The following PDHA1 variants were observed in gnomAD, a reference collection of about 807,000 sequenced individuals.
The protein encoded by PDHA1 is pyruvate dehydrogenase E1 subunit alpha 1, also known as pyruvate dehydrogenase E1 component subunit alpha, somatic form, mitochondrial.
Under a neutral mutation model 33.0 loss-of-function variants are expected in PDHA1, and 1 was observed. The ratio of observed to expected loss-of-function variants is 0.03; its 90% CI spans 0.01 to 0.14. The LOEUF is 0.14. PDHA1 is among the 10% of genes least tolerant of loss of function. PDHA1 has a pLI of 1.00. For synonymous variants in PDHA1, 123 were observed against 119.2 expected (o/e 1.03, Z -0.21); for missense variants, 168 against 325.1 (o/e 0.52, Z 3.72).
At chrX:19,349,229 A>T in intron 1 of PDHA1, 83 bp from the exon 2 acceptor site, 1 of 658,460 alleles carries the variant, frequency 1.5e-6, no homozygotes, top group Non-Finnish European at 2.5e-6. Context: ...CCATAACTTC[A>T]TTCTGATAAC....
chrX:19,346,602 T>C, intron 1 of PDHA1: 1 of 966,806 alleles, frequency 1.0e-6, no homozygotes, highest in Non-Finnish European at 1.3e-6. Flanking sequence ...GGGATTACTC[T>C]CACTCTCTTA....
chrX:19,358,806 T>TGTATTTCACCTCATTGGGA (rs1395917794), intron 9 of PDHA1, 110 bp from the exon 10 acceptor site: 29 of 537,717 alleles, frequency 5.4e-5, no homozygotes, highest in Non-Finnish European at 9.1e-5. Flanking sequence ...AACACACTTC[T>TGTATTTCACCTCATTGGGA]GTATTTCACC....
In PDHA1 at chrX:19,361,572, C is replaced by T; in HGVS notation, c.*1919C>T. 1 of 1,208,243 alleles carries T rather than the reference C, an allele frequency of 8.3e-7. No homozygotes were observed. Among genetic ancestry groups the T allele is most frequent in the Non-Finnish European group, 1.1e-6 (1 of 892,511 alleles). On this transcript the variant is annotated 3_prime_UTR_variant, in exon 11 of 11. Coordinates refer to ENST00000422285, the MANE Select transcript of PDHA1 (RefSeq NM_000284.4). ...TTTATCTGTTCTCTGCCCGTAGGGGCCTGCTGGGTTCTCTGTAATACCTGT... is the reference window on the plus strand; with the variant it reads ...TTTATCTGTTCTCTGCCCGTAGGGGTCTGCTGGGTTCTCTGTAATACCTGT...
rs15816 is a variant in PDHA1, at chrX:19,360,712, G to C, written c.*1059G>C. Reference sequence around the variant, plus strand: ...CAGAAGCTTTAACAAAACATGTAGCGTGGTGGGACACTCTGCCACAGCTTA... The same window carrying C: ...CAGAAGCTTTAACAAAACATGTAGCCTGGTGGGACACTCTGCCACAGCTTA... On this transcript the variant is annotated 3_prime_UTR_variant, in exon 11 of 11. Transcript: ENST00000422285. The C allele has an allele frequency of 1.9e-6, 2 of 1,050,660 alleles. No individual in the cohort carries two copies. 86.6% of individuals were successfully genotyped at this position (1,050,660 alleles called of 1,213,427 possible). A position where few individuals can be genotyped will look rare whatever the true frequency, so the allele number is the denominator to read the frequency against.
At chrX:19,345,973 C>G (rs183410783) in intron 1 of PDHA1, among the ~76,000 whole-genome samples, 2 of 111,981 alleles carry the variant, frequency 1.8e-5, no homozygotes, top group East Asian at 5.6e-4. Flanking sequence ...GAATAATAAA[C>G]TAACGTGTTG....
Position 19,350,005 on chromosome X carries a change from C to T in PDHA1, c.186C>T (p.Leu62=), listed in dbSNP as rs1031411207. 2.5e-6 allele frequency: 3 copies of T among 1,198,994 alleles called. No individual in the cohort carries two copies. In the African/African-American group the frequency reaches 5.3e-5, roughly 21 times the overall value. ...VTTVLTREDG[L]KYYRMMQTVR... is the part of the protein sequence containing the mutation. Reference sequence around the variant, plus strand: ...CAGTGCTCACCAGGGAGGATGGGCTCAAATACTACAGGATGATGCAGACTG... The same window carrying T: ...CAGTGCTCACCAGGGAGGATGGGCTTAAATACTACAGGATGATGCAGACTG... The change falls in exon 3 of 11, where the codon CTC becomes CTT. Residue 62 remains leucine, a synonymous_variant. Transcript: ENST00000422285.
At position 19,359,643 on chromosome X, in the gene PDHA1, CAGTCAGTTA is replaced by C. The variant is rs1304934077; in HGVS notation, c.1166_*1del. ...GCCAATCAGTGGATCAAGTTTAAGT[CAGTCAGTTA>C]AGGGGAGGAGAAGGAGAGGTTATAC... is the stretch of plus-strand genomic sequence containing the variant. On this transcript the variant is annotated stop_lost and inframe_deletion, in exon 11 of 11. Transcript: ENST00000422285. 1 of 1,209,721 alleles carries C rather than the reference CAGTCAGTTA, an allele frequency of 8.3e-7. No homozygotes were observed. The highest frequency in any genetic ancestry group is 3.0e-5 in the East Asian group (1 of 33,821).
chrX:19,344,055 C>T lies in PDHA1; in HGVS notation c.18C>T (p.Ala6=), dbSNP rs1275009783. 6 of 1,207,842 alleles carry T rather than the reference C, an allele frequency of 5.0e-6. No individual in the cohort carries two copies. The highest frequency in any genetic ancestry group is 6.7e-6 in the Non-Finnish European group (6 of 894,407). MRKML[A]AVSRVLSGAS... ...TGTGCTTCATGAGGAAGATGCTCGC[C>T]GCCGTCTCCCGCGTGCTGTCTGGCG... Residue 6 remains alanine, a synonymous_variant, in exon 1 of 11, where the codon GCC becomes GCT. Transcript: ENST00000422285.
At chrX:19,355,203 C>T in intron 6 of PDHA1, 146 bp from the exon 7 acceptor site, 1 of 667,481 alleles carries the variant, frequency 1.5e-6, no homozygotes, top group Non-Finnish European at 2.4e-6. Context: ...ACCCCGCTTT[C>T]CCTCACCACC....
chrX:19,353,494 G>A (rs188598832), intron 5 of PDHA1, among the ~76,000 whole-genome samples: 1 of 112,114 alleles, frequency 8.9e-6, no homozygotes, highest in African/African-American at 3.2e-5. Context: ...CTACTATACA[G>A]CCTAGGTGTG....
intron 8 of PDHA1, 125 bp from the exon 9 acceptor site, chrX:19,357,522 ACAACT>A (rs957677359): frequency 2.1e-5 from 12 of 573,776 alleles, no homozygotes; most frequent in Non-Finnish European, 3.2e-5. Context: ...GAAATTCGTG[ACAACT>A]CAGAAGATCT....
intron 4 of PDHA1, among the ~76,000 whole-genome samples, chrX:19,352,614 C>A: frequency 8.9e-6 from 1 of 112,471 alleles, no homozygotes; most frequent in South Asian, 3.6e-4. Flanking sequence ...TACAAAAATC[C>A]TCAAATACTC....
In PDHA1 at chrX:19,359,762, A is replaced by ACTTC. The variant is rs771171560; in HGVS notation, c.*111_*114dup. The ACTTC allele has an allele frequency of 2.6e-5, 19 of 732,361 alleles. No individual in the cohort carries two copies. The highest frequency in any genetic ancestry group is 3.8e-5 in the Non-Finnish European group (18 of 477,409). 60.4% of individuals were successfully genotyped at this position (732,361 alleles called of 1,213,427 possible). On this transcript the variant is annotated 3_prime_UTR_variant, in exon 11 of 11. Coordinates refer to ENST00000422285, the MANE Select transcript of PDHA1 (RefSeq NM_000284.4). ...ATGAAATTCAATGAAATTCTTGGAA[A>ACTTC]CTTCCATTAAGTGTGTAGATTGAGC...
At chrX:19,354,866 A>G (rs1241085267) in intron 6 of PDHA1, among the ~76,000 whole-genome samples, 1 of 112,504 alleles carries the variant, frequency 8.9e-6, no homozygotes, top group Non-Finnish European at 1.9e-5. Flanking sequence ...CCTATTGCAA[A>G]ACAATACAGA....
At chrX:19,357,109 A>T (rs908873021) in intron 8 of PDHA1, among the ~76,000 whole-genome samples, 1 of 112,486 alleles carries the variant, frequency 8.9e-6, no homozygotes, top group East Asian at 2.8e-4. Flanking sequence ...AGCCAATAGC[A>T]GGAGGCTCTA....
At position 19,357,700 on chromosome X, in the gene PDHA1, A is replaced by T; in HGVS notation, c.880A>T (p.Met294Leu). 1 of 1,209,083 alleles carries T rather than the reference A, an allele frequency of 8.3e-7. No homozygotes were observed. Among genetic ancestry groups the T allele is most frequent in the Non-Finnish European group, 1.1e-6 (1 of 892,830 alleles). The part of the protein sequence containing the change: ...LQTYRYHGHS[M>L]SDPGVSYRTR... ...GACTTACCGTTACCACGGACACAGT[A>T]TGAGTGACCCTGGAGTCAGGTACGC... Residue 294 changes from methionine (M) to leucine (L), a missense_variant, in exon 9 of 11, where the codon ATG becomes TTG. Around this residue, in one of 5 missense-constraint regions of PDHA1, gnomAD observed 2 missense variants for 22.0 expected, o/e 0.09. Coordinates refer to ENST00000422285, the MANE Select transcript of PDHA1 (RefSeq NM_000284.4).
rs1304311874 is a variant in PDHA1 at position 19,360,253 on chromosome X, G to C, written c.*600G>C. 2 of 132,870 alleles carry C rather than the reference G, an allele frequency of 1.5e-5. No homozygotes were observed. Among genetic ancestry groups the C allele is most frequent in the Non-Finnish European group, 3.0e-5 (2 of 66,723 alleles). The allele number at this position is 132,870 out of a possible 1,213,427, so 10.9% of individuals were successfully genotyped here. A position where few individuals can be genotyped will look rare whatever the true frequency, so the allele number is the denominator to read the frequency against. On this transcript the variant is annotated 3_prime_UTR_variant, in exon 11 of 11. Coordinates refer to ENST00000422285, the MANE Select transcript of PDHA1 (RefSeq NM_000284.4). ...TACAAGGCACATTCGTATCAGTTTT[G>C]TGTTTCTCAAATTGAAGTACCATAC...
chrX:19,344,143 G>GGGGCCGGAGGGCAGGGCGGGCC, intron 1 of PDHA1, 49 bp downstream of exon 1: 2 of 1,080,030 alleles, frequency 1.9e-6, no homozygotes, highest in Non-Finnish European at 2.5e-6. Flanking sequence ...GGGCTGAGGC[G>GGGGCCGGAGGGCAGGGCGGGCC]GGGCCGGAGG....
At chrX:19,344,285 C>G (rs1473684657) in intron 1 of PDHA1, among the ~76,000 whole-genome samples, 191 bp downstream of exon 1, 1 of 113,024 alleles carries the variant, frequency 8.8e-6, no homozygotes, top group Admixed American at 9.2e-5. Context: ...CGGGATCACG[C>G]CAAGGTCCGT....
Sources: allele counts gnomAD v4.1 joint callset (sites outside exome capture counted in the v4.1 genomes callset), GRCh38; gene constraint gnomAD v4.1.1; regional missense constraint gnomAD v4.1.1; transcripts MANE v1.5; gene names NCBI Gene and HGNC (gene_info 2026-07-23, HGNC 2026-07-21).